The following NFIB variants were observed in gnomAD, a reference collection of about 807,000 sequenced individuals.
The protein encoded by NFIB is nuclear factor I B.
A neutral mutation model predicts 61.5 loss-of-function variants in NFIB; 11 were observed. That is an observed-to-expected ratio of 0.18 (90% CI 0.11 to 0.30). NFIB has a LOEUF of 0.30. Ranked by LOEUF, NFIB falls within the 10% of genes least tolerant of loss-of-function variation. The probability of loss-of-function intolerance (pLI) is 1.00; values close to 1 mark genes in which losing one functional copy is unlikely to be tolerated. For missense variants in NFIB, 471 were observed against 608.9 expected (o/e 0.77, Z 2.38); for synonymous variants, 260 against 216.5 (o/e 1.20, Z -1.76).
chr9:14,503,124 ATGTG>A, the NFIB span, among the ~76,000 whole-genome samples: 3 of 148,110 alleles, frequency 2.0e-5, no homozygotes, highest in Non-Finnish European at 4.5e-5. Flanking sequence ...ATGTGTGTGT[ATGTG>A]TGTGTGTGTG....
chr9:14,390,236 A>C (rs1263002990), intron 1 of NFIB, among the ~76,000 whole-genome samples: 2 of 152,180 alleles, frequency 1.3e-5, no homozygotes, highest in African/African-American at 4.8e-5. Flanking sequence ...TGGATCCTAC[A>C]GTTTTCTAAG....
chr9:14,306,459 T>C lies in NFIB; in HGVS notation c.562+530A>G, dbSNP rs547695193. Among the ~76,000 whole-genome samples, 23 of 152,314 alleles carry C rather than the reference T, an allele frequency of 1.5e-4. No individual in the cohort carries two copies. In the South Asian group the frequency reaches 1.9e-3, roughly 12 times the overall value. On this transcript the variant is annotated intron_variant, in intron 2 of 10. Coordinates refer to ENST00000380953, the MANE Select transcript of NFIB (RefSeq NM_001190737.2). ...TCTACGTAAGATATACTTTTGATAT[T>C]ATCTATCTTAAGCATTTTGTAATAG...
the NFIB span, among the ~76,000 whole-genome samples, chr9:14,510,124 G>A: frequency 2.6e-5 from 4 of 152,190 alleles, no homozygotes; most frequent in Non-Finnish European, 5.9e-5. Flanking sequence ...TTGAACTCCT[G>A]ACCTCAAGTG....
chr9:14,197,497 CTA>C (rs2048595011), intron 2 of NFIB, among the ~76,000 whole-genome samples: 1 of 152,218 alleles, frequency 6.6e-6, no homozygotes, highest in Non-Finnish European at 1.5e-5. Flanking sequence ...AAAGAAAATT[CTA>C]TCAGTCCTCT....
chr9:14,522,624 C>T, the NFIB span, among the ~76,000 whole-genome samples: 142 of 152,272 alleles, frequency 9.3e-4, no homozygotes, highest in Non-Finnish European at 1.5e-3. Flanking sequence ...AGCAAACTAC[C>T]TGGAATTCTG....
chr9:14,243,480 G>C (rs1279478656), intron 2 of NFIB, among the ~76,000 whole-genome samples: 2 of 152,074 alleles, frequency 1.3e-5, no homozygotes, highest in Non-Finnish European at 2.9e-5. Context: ...ATCTAGAAGA[G>C]GAGCAGGTTT....
upstream of NFIB, among the ~76,000 whole-genome samples, chr9:14,318,344 G>C (rs1009832738): frequency 6.6e-6 from 1 of 152,106 alleles, no homozygotes; most frequent in African/African-American, 2.4e-5. Context: ...TTTCACTACG[G>C]ATCTCCAGAG....
In NFIB at chr9:14,083,707, G is replaced by C. The variant is rs2032400356; in HGVS notation, c.*4602C>G. 1 of 224,168 alleles carries C rather than the reference G, an allele frequency of 4.5e-6. No individual in the cohort carries two copies. The highest frequency in any genetic ancestry group is 8.9e-6 in the Non-Finnish European group (1 of 112,088). The allele number at this position is 224,168 out of a possible 1,614,324, so 13.9% of individuals were successfully genotyped here. ...TCTGCAGCCTTCATCATTTCACACAGTACATAGAATTTGAATCTAGGTAAA... is the reference window on the plus strand; with the variant it reads ...TCTGCAGCCTTCATCATTTCACACACTACATAGAATTTGAATCTAGGTAAA... On this transcript the variant is annotated 3_prime_UTR_variant, in exon 11 of 11. Coordinates refer to ENST00000380953, the MANE Select transcript of NFIB (RefSeq NM_001190737.2).
At chr9:14,108,204 T>C (rs1441541951) in intron 10 of NFIB, among the ~76,000 whole-genome samples, 2 of 152,112 alleles carry the variant, frequency 1.3e-5, no homozygotes, top group African/African-American at 4.8e-5. Context: ...CTGTCAATTA[T>C]GATAACAGAC....
intron 1 of NFIB, among the ~76,000 whole-genome samples, chr9:14,312,072 T>A (rs2060305874): frequency 6.6e-6 from 1 of 152,226 alleles, no homozygotes; most frequent in Non-Finnish European, 1.5e-5. Context: ...AAAGTGCGTG[T>A]TTACTTGCTG....
intron 1 of NFIB, among the ~76,000 whole-genome samples, chr9:14,381,104 A>T (rs1163433438): frequency 6.7e-6 from 1 of 148,222 alleles, no homozygotes; most frequent in Non-Finnish European, 1.5e-5. Flanking sequence ...AAAGATAATT[A>T]TAATAATGCC....
At chr9:14,257,596 A>C (rs1223043652) in intron 2 of NFIB, among the ~76,000 whole-genome samples, 1 of 152,130 alleles carries the variant, frequency 6.6e-6, no homozygotes, top group Non-Finnish European at 1.5e-5. Context: ...CTCTTCTAAA[A>C]ATACAAAAAA....
intron 6 of NFIB, among the ~76,000 whole-genome samples, chr9:14,136,952 A>C (rs75154760): frequency 0.023 from 3,444 of 152,252 alleles, 140 homozygotes; most frequent in African/African-American, 0.077. Context: ...AACAAATGTA[A>C]ATGAAGAAAA....
At chr9:14,228,001 TTAA>T (rs1270909518) in intron 2 of NFIB, among the ~76,000 whole-genome samples, 8 of 152,160 alleles carry the variant, frequency 5.3e-5, no homozygotes, top group Non-Finnish European at 1.2e-4. Context: ...TTTTAACTCA[TTAA>T]TAATTCATTT....
At position 14,150,274 on chromosome 9, in the gene NFIB, T is replaced by G. The variant is rs1192570464; in HGVS notation, c.686-9A>C. The G allele has an allele frequency of 1.9e-5, 31 of 1,613,008 alleles. No homozygotes were observed. Among genetic ancestry groups the G allele is most frequent in the Non-Finnish European group, 2.2e-5 (26 of 1,179,324 alleles). On this transcript the variant is annotated splice_polypyrimidine_tract_variant and intron_variant, in intron 4 of 10. Transcript: ENST00000380953. Reference sequence around the variant, plus strand: ...TCCCTGGGTTATGGGCGCTGAGGAATAAGACAAAGAAGCACTGGGAATGAC... The same window carrying G: ...TCCCTGGGTTATGGGCGCTGAGGAAGAAGACAAAGAAGCACTGGGAATGAC...
Position 14,292,150 on chromosome 9 carries a change from C to T in NFIB, c.562+14839G>A, listed in dbSNP as rs2059146319. Among the ~76,000 whole-genome samples, 3 of 151,910 alleles carry T rather than the reference C, an allele frequency of 2.0e-5. No homozygotes were observed. The South Asian group carries it at 6.2e-4, about 32-fold the overall frequency. On this transcript the variant is annotated intron_variant, in intron 2 of 10. Coordinates refer to ENST00000380953, the MANE Select transcript of NFIB (RefSeq NM_001190737.2). ...TGCCATGTTTTCACGAAATAATAAC[C>T]TTTCATTATTTTTTGATAATTTACG...
upstream of NFIB, among the ~76,000 whole-genome samples, chr9:14,399,486 C>CA: frequency 1.3e-5 from 2 of 151,882 alleles, no homozygotes; most frequent in South Asian, 4.2e-4. Context: ...TAAAAATAGG[C>CA]AAAAAATTTG....
intron 2 of NFIB, among the ~76,000 whole-genome samples, chr9:14,230,971 AGGGGG>A (rs2053058623): frequency 6.6e-6 from 1 of 151,300 alleles, no homozygotes; most frequent in Non-Finnish European, 1.5e-5. Flanking sequence ...CGAAAGGCAA[AGGGGG>A]AGCGGAGAAA....
chr9:14,448,540 T>C, the NFIB span, among the ~76,000 whole-genome samples: 9 of 152,228 alleles, frequency 5.9e-5, no homozygotes, highest in Non-Finnish European at 1.5e-5. Flanking sequence ...GAAGGTGCTA[T>C]TCAGAGGAAA....
Sources: gnomAD v4.1 joint callset for allele counts (sites outside exome capture counted in the v4.1 genomes callset) on GRCh38, gnomAD v4.1.1 for gene constraint, MANE v1.5 for transcripts, NCBI Gene and HGNC (gene_info 2026-07-23, HGNC 2026-07-21) for gene names.